CPED1: variants seen among roughly 807,000 people sequenced by gnomAD.
CPED1 encodes cadherin like and PC-esterase domain containing 1, also known as cadherin-like and PC-esterase domain-containing protein 1.
CPED1 carries 114 observed loss-of-function variants against 128.2 expected under a neutral mutation model. The observed-to-expected ratio is 0.89, with a 90% CI of 0.76 to 1.04. The LOEUF is 1.04. Among genes scored for constraint, CPED1 ranks in the 50% least tolerant of loss-of-function variants. CPED1 has a pLI of 0.00. For synonymous variants in CPED1, 462 were observed against 426.7 expected, an observed-to-expected ratio of 1.08 and a Z score of -1.02; for missense variants, 1,211 against 1,207.1, an observed-to-expected ratio of 1.00 and a Z score of -0.05.
intron 3 of CPED1, among the ~76,000 whole-genome samples, chr7:121,017,767 C>T (rs998403898): frequency 6.6e-6 from 1 of 152,030 alleles, no homozygotes; most frequent in African/African-American, 2.4e-5. Context: ...TCAGTTTTAC[C>T]ACAAAAAGGA....
At position 121,069,486 on chromosome 7, in the gene CPED1, G is replaced by A. The variant is rs1793935896; in HGVS notation, c.616+5173G>A. Among the ~76,000 whole-genome samples the A allele has an allele frequency of 2.0e-5, 3 of 152,078 alleles. No individual in the cohort carries two copies. The South Asian group carries it at 6.2e-4, about 31-fold the overall frequency. ...TGTGGCTGGAACCCATGCAAGTGAG[G>A]CAGGACAGAGTGTTGGCTAGATGCA... On this transcript the variant is annotated intron_variant, in intron 5 of 22. Coordinates refer to ENST00000310396, the MANE Select transcript of CPED1 (RefSeq NM_024913.5).
intron 22 of CPED1, among the ~76,000 whole-genome samples, chr7:121,293,367 G>A (rs990809340): frequency 2.6e-5 from 4 of 152,164 alleles, no homozygotes; most frequent in South Asian, 4.1e-4. Context: ...CACCAAGCTC[G>A]AGTGTCCCAG....
chr7:121,162,713 G>A (rs1796439164), intron 16 of CPED1, among the ~76,000 whole-genome samples: 1 of 152,160 alleles, frequency 6.6e-6, no homozygotes, highest in Non-Finnish European at 1.5e-5. Context: ...ATCTCACTGT[G>A]GTGTATTTTA....
intron 16 of CPED1, among the ~76,000 whole-genome samples, chr7:121,157,251 A>G (rs1796308446): frequency 6.6e-6 from 1 of 152,156 alleles, no homozygotes; most frequent in African/African-American, 2.4e-5. Context: ...TAGTGCGTGT[A>G]TAGAAGTAAA....
At chr7:121,023,660 A>G (rs1320821771) in intron 3 of CPED1, among the ~76,000 whole-genome samples, 1 of 152,134 alleles carries the variant, frequency 6.6e-6, no homozygotes, top group Non-Finnish European at 1.5e-5. Flanking sequence ...AGAGGTGAGA[A>G]ACACCAGTGT....
chr7:121,015,610 T>C, intron 2 of CPED1, 55 bp from the exon 3 acceptor site: 1 of 1,480,578 alleles, frequency 6.8e-7, no homozygotes, highest in Non-Finnish European at 9.2e-7. Flanking sequence ...CATGATGTCC[T>C]TCAAGGGAAA....
chr7:121,230,669 C>T (rs1212323884), intron 16 of CPED1, among the ~76,000 whole-genome samples: 3 of 151,964 alleles, frequency 2.0e-5, no homozygotes, highest in Non-Finnish European at 4.4e-5. Context: ...CTATCAATTT[C>T]CTGTTTCACA....
chr7:121,210,360 C>A, intron 16 of CPED1, among the ~76,000 whole-genome samples: 1 of 151,938 alleles, frequency 6.6e-6, no homozygotes, highest in South Asian at 2.1e-4. Flanking sequence ...GCTGCACTCC[C>A]GTGTTTATTG....
At chr7:121,235,747 AAACT>A (rs1481677676) in intron 16 of CPED1, among the ~76,000 whole-genome samples, 2 of 152,190 alleles carry the variant, frequency 1.3e-5, no homozygotes, top group African/African-American at 2.4e-5. Context: ...AATAATAAAC[AAACT>A]AACAAACAGT....
chr7:121,212,960 C>CT (rs1180552784), intron 16 of CPED1, among the ~76,000 whole-genome samples: 1 of 151,792 alleles, frequency 6.6e-6, no homozygotes, highest in Non-Finnish European at 1.5e-5. Context: ...TGCGTTGAGG[C>CT]TTTTTTCCGG....
At chr7:121,049,306 A>C (rs1289594613) in intron 4 of CPED1, among the ~76,000 whole-genome samples, 1 of 152,204 alleles carries the variant, frequency 6.6e-6, no homozygotes, top group Non-Finnish European at 1.5e-5. Context: ...CATAGCTAGA[A>C]TCCAATGAGA....
At chr7:121,069,456 G>T (rs995395841) in intron 5 of CPED1, among the ~76,000 whole-genome samples, 2 of 152,086 alleles carry the variant, frequency 1.3e-5, no homozygotes, top group Non-Finnish European at 2.9e-5. Context: ...GATCATGCTG[G>T]TAAATGTGGC....
chr7:121,183,336 A>G (rs1396391440), intron 16 of CPED1, among the ~76,000 whole-genome samples: 2 of 152,210 alleles, frequency 1.3e-5, no homozygotes, highest in Non-Finnish European at 2.9e-5. Flanking sequence ...TGAAATCTAG[A>G]GTTGGTGACA....
At chr7:121,248,597 A>AC (rs1223811118) in intron 18 of CPED1, among the ~76,000 whole-genome samples, 134 of 149,272 alleles carry the variant, frequency 9.0e-4, no homozygotes, top group Non-Finnish European at 1.3e-3. Context: ...TGTGAAACAA[A>AC]AAAAAAAAAA....
chr7:121,266,494 T>A (rs1792127307), intron 19 of CPED1, 47 bp downstream of exon 19: 1 of 1,481,102 alleles, frequency 6.8e-7, no homozygotes, highest in Non-Finnish European at 9.4e-7. Context: ...AAAGTACTGA[T>A]GTTCTGCTAG....
At chr7:121,209,883 T>C (rs1797605880) in intron 16 of CPED1, among the ~76,000 whole-genome samples, 1 of 151,752 alleles carries the variant, frequency 6.6e-6, no homozygotes, top group African/African-American at 2.4e-5. Flanking sequence ...CCAGAACACA[T>C]AAACCATATA....
At chr7:121,122,139 ATTT>A (rs34817474) in intron 7 of CPED1, among the ~76,000 whole-genome samples, 1 of 127,308 alleles carries the variant, frequency 7.9e-6, no homozygotes. Flanking sequence ...ACTCATCTGG[ATTT>A]TTTTTTTTTT....
At chr7:121,152,540 T>C (rs147194572) in intron 16 of CPED1, among the ~76,000 whole-genome samples, 1 of 152,352 alleles carries the variant, frequency 6.6e-6, no homozygotes, top group African/African-American at 2.4e-5. Flanking sequence ...CTGTCATACA[T>C]GGATAGTAAT....
At chr7:121,263,832 A>G (rs936653150) in intron 18 of CPED1, among the ~76,000 whole-genome samples, 1 of 152,078 alleles carries the variant, frequency 6.6e-6, no homozygotes, top group Non-Finnish European at 1.5e-5. Context: ...AAATGAAAAG[A>G]AACTACAAGA....
Sources: allele counts gnomAD v4.1 joint callset (sites outside exome capture counted in the v4.1 genomes callset), GRCh38; gene constraint gnomAD v4.1.1; transcripts MANE v1.5; gene names NCBI Gene and HGNC (gene_info 2026-07-23, HGNC 2026-07-21).